EXOC2: variants seen among roughly 807,000 people sequenced by gnomAD.
EXOC2 encodes exocyst complex component 2, also known as SEC5-like 1.
A neutral mutation model predicts 131.8 loss-of-function variants in EXOC2; 70 were observed. The ratio of observed to expected loss-of-function variants is 0.53; its 90% CI spans 0.44 to 0.65. EXOC2 has a LOEUF of 0.65. EXOC2 is among the 30% of genes least tolerant of loss of function. The probability of loss-of-function intolerance (pLI) is 0.00; values close to 1 mark genes in which losing one functional copy is unlikely to be tolerated. For missense variants in EXOC2, 923 were observed against 1,108.6 expected, an observed-to-expected ratio of 0.83 and a Z score of 2.38; for synonymous variants, 411 against 398.4, an observed-to-expected ratio of 1.03 and a Z score of -0.38.
At chr6:659,752 G>A (rs1259971626) in intron 1 of EXOC2, among the ~76,000 whole-genome samples, 1 of 152,206 alleles carries the variant, frequency 6.6e-6, no homozygotes, top group South Asian at 2.1e-4. Context: ...TGGCACCACA[G>A]GGATCCATCT....
At chr6:537,469 G>A (rs1279232752) in intron 22 of EXOC2, among the ~76,000 whole-genome samples, 1 of 152,002 alleles carries the variant, frequency 6.6e-6, no homozygotes, top group Non-Finnish European at 1.5e-5. Context: ...GATGGCCGAC[G>A]GAGCGTACAC....
At chr6:637,218 C>G (rs773847669) in intron 2 of EXOC2, among the ~76,000 whole-genome samples, 5 of 152,130 alleles carry the variant, frequency 3.3e-5, no homozygotes, top group Non-Finnish European at 7.3e-5. Context: ...CCACAGATCA[C>G]GATGAGGACA....
chr6:665,982 T>C (rs924813347), intron 1 of EXOC2, among the ~76,000 whole-genome samples: 2 of 152,190 alleles, frequency 1.3e-5, no homozygotes, highest in East Asian at 3.8e-4. Context: ...AGAAATGTGG[T>C]CTGCTACCTA....
chr6:549,182 AT>A lies in EXOC2; in HGVS notation c.2230del (p.Ile744SerfsTer9). The A allele has an allele frequency of 6.2e-7, 1 of 1,613,648 alleles. No individual in the cohort carries two copies. The highest frequency in any genetic ancestry group is 8.5e-7 in the Non-Finnish European group (1 of 1,179,650). ...EKHNFQGIEKITQVSMASLKE... is the reference protein window; with the variant it reads ...EKHNFQGIEKXTQVSMASLKE... ...TTACATGAACTCGCTTACCTGTGTG[AT>A]TTTTTCTATTCCCTGGAAGTTGTGC... On this transcript the variant is annotated frameshift_variant, in exon 22 of 28. Coordinates refer to ENST00000230449, the MANE Select transcript of EXOC2 (RefSeq NM_018303.6). LOFTEE classifies it high-confidence loss of function.
intron 1 of EXOC2, among the ~76,000 whole-genome samples, chr6:658,272 G>T (rs576247237): frequency 3.9e-5 from 6 of 152,172 alleles, no homozygotes; most frequent in Non-Finnish European, 7.4e-5. Context: ...CTGTACCAGT[G>T]ATTTAATTTC....
In EXOC2 at chr6:490,981, CAAAGTGGCCTTGACATA is replaced by C. The variant is rs1422733599; in HGVS notation, c.2621+127_2621+143del. ...AACCCCTTTCATTTACATTGTGTTA[CAAAGTGGCCTTGACATA>C]AACTTTATCACATCACAAATTCATG... is the stretch of plus-strand genomic sequence containing the variant. On this transcript the variant is annotated intron_variant, in intron 26 of 27. Transcript: ENST00000230449. 6.4e-5 allele frequency: 51 copies of C among 800,356 alleles called. No homozygotes were observed. In the Middle Eastern group the frequency reaches 1.2e-3, roughly 19 times the overall value. The allele number at this position is 800,356 out of a possible 1,614,324, so 49.6% of individuals were successfully genotyped here.
At chr6:499,497 C>T (rs533822593) in intron 24 of EXOC2, 148 bp downstream of exon 24, 26 of 510,478 alleles carry the variant, frequency 5.1e-5, no homozygotes, top group Non-Finnish European at 6.6e-5. Flanking sequence ...ACAGACAGTG[C>T]GAGCAAGAGC....
chr6:545,148 C>T (rs923507367), intron 22 of EXOC2, among the ~76,000 whole-genome samples: 3 of 85,966 alleles, frequency 3.5e-5, no homozygotes, highest in Non-Finnish European at 4.4e-5. Flanking sequence ...AGCGAGACTC[C>T]GTCTCAAAAA....
intron 1 of EXOC2, among the ~76,000 whole-genome samples, chr6:687,432 C>T (rs984504255): frequency 2.6e-5 from 4 of 152,076 alleles, no homozygotes; most frequent in Non-Finnish European, 2.9e-5. Flanking sequence ...ATCCTTCCAC[C>T]TCGGCCTCTC....
chr6:511,637 G>A (rs537773616), intron 23 of EXOC2, among the ~76,000 whole-genome samples: 42 of 152,340 alleles, frequency 2.8e-4, no homozygotes, highest in South Asian at 1.0e-3. Context: ...CAGCCCGAGC[G>A]GGACAAGCCG....
rs565282996 is a variant in EXOC2, at chr6:667,356, G to A, written c.-44+25663C>T. ...GTAATTTCATTTGTATACAGGATTT[G>A]ACAGTGGTAAGTGTGATGACTGGAA... On this transcript the variant is annotated intron_variant, in intron 1 of 27. Coordinates refer to ENST00000230449, the MANE Select transcript of EXOC2 (RefSeq NM_018303.6). 7.0e-4 allele frequency among the ~76,000 whole-genome samples: 68 copies of A among 96,938 alleles called. 26 individuals carry two copies. The South Asian group carries it at 0.014, about 21-fold the overall frequency. The allele number at this position is 96,938 out of a possible 152,430, so 63.6% of individuals were successfully genotyped here.
chr6:658,645 T>TTATATATATATATATATTTTATA (rs1763254121), intron 1 of EXOC2, among the ~76,000 whole-genome samples: 7 of 118,308 alleles, frequency 5.9e-5, no homozygotes, highest in South Asian at 6.1e-4. Flanking sequence ...TATATATATT[T>TTATATATATATATATATTTTATA]TATATATATA....
chr6:591,444 G>A (rs1396820884), intron 11 of EXOC2, among the ~76,000 whole-genome samples: 1 of 151,908 alleles, frequency 6.6e-6, no homozygotes, highest in Admixed American at 6.6e-5. Flanking sequence ...TCCCTTCCTG[G>A]AAGTCTTAAA....
At chr6:614,872 C>A (rs567768881) in intron 6 of EXOC2, among the ~76,000 whole-genome samples, 8 of 152,046 alleles carry the variant, frequency 5.3e-5, no homozygotes, top group Admixed American at 2.0e-4. Flanking sequence ...GAAACATATT[C>A]TCTGTTCACA....
chr6:586,199 C>T (rs139297710), intron 11 of EXOC2, among the ~76,000 whole-genome samples: 216 of 152,272 alleles, frequency 1.4e-3, no homozygotes, highest in African/African-American at 4.7e-3. Context: ...ACTCTGTCAC[C>T]GAGCCCCGGG....
chr6:627,264 A>G (rs1268984014), intron 4 of EXOC2, among the ~76,000 whole-genome samples: 2 of 127,494 alleles, frequency 1.6e-5, no homozygotes, highest in Non-Finnish European at 3.4e-5. Context: ...AAAAAAAAAA[A>G]GAAGCCTGGA....
chr6:653,321 G>A (rs1174258542), intron 1 of EXOC2, among the ~76,000 whole-genome samples: 1 of 152,206 alleles, frequency 6.6e-6, no homozygotes, highest in Admixed American at 6.5e-5. Flanking sequence ...TCTAAAGCCA[G>A]GCCTTCTTGT....
intron 1 of EXOC2, among the ~76,000 whole-genome samples, chr6:639,194 T>C (rs997894428): frequency 2.0e-5 from 3 of 152,140 alleles, no homozygotes; most frequent in Non-Finnish European, 2.9e-5. Flanking sequence ...TGTGGGAAAC[T>C]TGGGGGCAGG....
At chr6:684,945 A>G (rs1244542830) in intron 1 of EXOC2, among the ~76,000 whole-genome samples, 1 of 152,180 alleles carries the variant, frequency 6.6e-6, no homozygotes, top group African/African-American at 2.4e-5. Flanking sequence ...TCACCTTGTC[A>G]TGCTCCCAGA....
Sources: gnomAD v4.1 joint callset for allele counts (sites outside exome capture counted in the v4.1 genomes callset) on GRCh38, gnomAD v4.1.1 for gene constraint, MANE v1.5 for transcripts, NCBI Gene and HGNC (gene_info 2026-07-23, HGNC 2026-07-21) for gene names.